The following CEP128 variants were observed in gnomAD, a reference collection of about 807,000 sequenced individuals.
The protein encoded by CEP128 is centrosomal protein 128kDa.
In CEP128, 132 loss-of-function variants were observed where a neutral mutation model predicts 156.7. The ratio of observed to expected loss-of-function variants is 0.84; its 90% CI spans 0.73 to 0.97. The LOEUF is 0.97. Among genes scored for constraint, CEP128 ranks in the 50% least tolerant of loss-of-function variants. CEP128 has a pLI of 0.00. For synonymous variants in CEP128, 469 were observed against 448.9 expected (o/e 1.04, Z -0.57); for missense variants, 1,252 against 1,281.9 (o/e 0.98, Z 0.36).
At chr14:80,680,435 C>G (rs981478467) in intron 19 of CEP128, among the ~76,000 whole-genome samples, 1 of 152,094 alleles carries the variant, frequency 6.6e-6, no homozygotes, top group African/African-American at 2.4e-5. Context: ...AGGAAGATCT[C>G]CAGGTATTCA....
In CEP128 at chr14:80,559,164, T is replaced by C. The variant is rs1890563088; in HGVS notation, c.2880+115A>G. 7.6e-6 allele frequency: 7 copies of C among 915,250 alleles called. 1 individual carries two copies. The highest frequency in any genetic ancestry group is 5.1e-5 in the African/African-American group (3 of 59,016). 56.7% of individuals were successfully genotyped at this position (915,250 alleles called of 1,614,324 possible). A position where few individuals can be genotyped will look rare whatever the true frequency, so the allele number is the denominator to read the frequency against. Reference sequence around the variant, plus strand: ...TTAGCTTGTTTTCCCCTTTGACATCTTAGATGTAGTTTTCGAAATGATTTC... The same window carrying C: ...TTAGCTTGTTTTCCCCTTTGACATCCTAGATGTAGTTTTCGAAATGATTTC... On this transcript the variant is annotated intron_variant, in intron 21 of 24. Coordinates refer to ENST00000555265, the MANE Select transcript of CEP128 (RefSeq NM_152446.5).
At chr14:80,641,350 G>C (rs1211062297) in intron 19 of CEP128, among the ~76,000 whole-genome samples, 1 of 152,112 alleles carries the variant, frequency 6.6e-6, no homozygotes, top group African/African-American at 2.4e-5. Context: ...GATGTTCAAG[G>C]GCTAATGTTT....
intron 21 of CEP128, among the ~76,000 whole-genome samples, chr14:80,548,809 C>T (rs1047131988): frequency 6.6e-6 from 1 of 152,210 alleles, no homozygotes; most frequent in Non-Finnish European, 1.5e-5. Flanking sequence ...CTAAGTTCAT[C>T]TGCTGGTGAA....
intron 21 of CEP128, among the ~76,000 whole-genome samples, chr14:80,549,140 G>C (rs1274329216): frequency 1.3e-5 from 2 of 152,192 alleles, no homozygotes; most frequent in African/African-American, 4.8e-5. Flanking sequence ...GGAGAAAGGA[G>C]AATGTCTAGA....
At chr14:80,815,938 A>G (rs1322230235) in intron 13 of CEP128, among the ~76,000 whole-genome samples, 1 of 152,098 alleles carries the variant, frequency 6.6e-6, no homozygotes, top group Non-Finnish European at 1.5e-5. Flanking sequence ...GGAATAATAG[A>G]TACTGGAGAC....
intron 16 of CEP128, among the ~76,000 whole-genome samples, chr14:80,776,485 TTAA>T (rs1900796871): frequency 6.8e-6 from 1 of 148,010 alleles, no homozygotes; most frequent in African/African-American, 2.4e-5. Context: ...ATATATATAT[TTAA>T]TTTTATATTT....
At chr14:80,559,772 T>C (rs1890592419) in intron 20 of CEP128, among the ~76,000 whole-genome samples, 1 of 152,108 alleles carries the variant, frequency 6.6e-6, no homozygotes, top group African/African-American at 2.4e-5. Flanking sequence ...AATAAATGAG[T>C]AAATCATTAT....
intron 19 of CEP128, among the ~76,000 whole-genome samples, chr14:80,669,798 A>G (rs965616540): frequency 5.9e-5 from 9 of 152,232 alleles, no homozygotes; most frequent in African/African-American, 2.2e-4. Context: ...CAATTCCATG[A>G]GTAGGTATCT....
intron 14 of CEP128, 86 bp from the exon 15 acceptor site, chr14:80,785,631 G>A (rs1330123826): frequency 1.1e-6 from 1 of 950,752 alleles, no homozygotes; most frequent in Non-Finnish European, 1.5e-6. Flanking sequence ...GCAAAACAAT[G>A]TTTAACCCAC....
At position 80,691,901 on chromosome 14, in the gene CEP128, T is replaced by C. The variant is rs373708502; in HGVS notation, c.2806+51174A>G. Among the ~76,000 whole-genome samples the C allele has an allele frequency of 2.6e-5, 4 of 152,320 alleles. No homozygotes were observed. In the East Asian group the frequency reaches 5.8e-4, roughly 22 times the overall value. ...TTTGTAACCATCTTGAATCAGGGAA[T>C]ATCATCCAAAATTACAAAGATATTT... is the stretch of plus-strand genomic sequence containing the variant. On this transcript the variant is annotated intron_variant, in intron 19 of 24. Coordinates refer to ENST00000555265, the MANE Select transcript of CEP128 (RefSeq NM_152446.5).
chr14:80,842,505 T>C (rs1208838396), intron 9 of CEP128, among the ~76,000 whole-genome samples: 1 of 152,004 alleles, frequency 6.6e-6, no homozygotes, highest in Non-Finnish European at 1.5e-5. Context: ...CCATTAAATA[T>C]ATCAATGATG....
intron 7 of CEP128, among the ~76,000 whole-genome samples, chr14:80,899,110 T>C (rs1883379641): frequency 6.6e-6 from 1 of 152,198 alleles, no homozygotes; most frequent in South Asian, 2.1e-4. Flanking sequence ...CTAATAGAAC[T>C]AGTAATAATG....
intron 19 of CEP128, among the ~76,000 whole-genome samples, chr14:80,580,811 T>A (rs1891558945): frequency 6.6e-6 from 1 of 151,984 alleles, no homozygotes; most frequent in Non-Finnish European, 1.5e-5. Flanking sequence ...GAAAGAAAAA[T>A]TAAAAACAAA....
Position 80,625,486 on chromosome 14 carries a change from A to G in CEP128, c.2807-45063T>C, listed in dbSNP as rs1034441065. Among the ~76,000 whole-genome samples, 4 of 151,926 alleles carry G rather than the reference A, an allele frequency of 2.6e-5. No homozygotes were observed. The East Asian group carries it at 7.7e-4, about 29-fold the overall frequency. ...ATTTCAGGATTTTTTTTCTATTTTTATGAAGAATATCATTAGTATTTTAAT... is the reference window on the plus strand; with the variant it reads ...ATTTCAGGATTTTTTTTCTATTTTTGTGAAGAATATCATTAGTATTTTAAT... On this transcript the variant is annotated intron_variant, in intron 19 of 24. Coordinates refer to ENST00000555265, the MANE Select transcript of CEP128 (RefSeq NM_152446.5).
rs534878159 is a variant in CEP128, at chr14:80,766,303, G to A, written c.2377-4690C>T. On this transcript the variant is annotated intron_variant, in intron 16 of 24. Transcript: ENST00000555265. Reference sequence around the variant, plus strand: ...GTTGACACTTAAGTATAAAGAAAACGTAAAATAAAACTGCTGACAATCTCA... The same window carrying A: ...GTTGACACTTAAGTATAAAGAAAACATAAAATAAAACTGCTGACAATCTCA... 4.6e-5 allele frequency among the ~76,000 whole-genome samples: 7 copies of A among 152,234 alleles called. No individual in the cohort carries two copies. The East Asian group carries it at 5.8e-4, about 13-fold the overall frequency.
chr14:80,561,441 G>C (rs1055640220), intron 20 of CEP128, among the ~76,000 whole-genome samples: 66 of 151,996 alleles, frequency 4.3e-4, no homozygotes, highest in Admixed American at 1.8e-3. Flanking sequence ...TGTGCATCTG[G>C]GACAAAAACC....
At chr14:80,653,079 AACACAAGAACAGAAAAC>A (rs1417484739) in intron 19 of CEP128, among the ~76,000 whole-genome samples, 4 of 152,168 alleles carry the variant, frequency 2.6e-5, no homozygotes, top group Non-Finnish European at 5.9e-5. Flanking sequence ...TCAGCAAACT[AACACAAGAACAGAAAAC>A]CTAACATCAC....
intron 21 of CEP128, among the ~76,000 whole-genome samples, chr14:80,538,524 C>T (rs541288331): frequency 6.6e-6 from 1 of 152,316 alleles, no homozygotes; most frequent in Non-Finnish European, 1.5e-5. Flanking sequence ...CGTATACCCA[C>T]CACCTAGATT....
intron 8 of CEP128, among the ~76,000 whole-genome samples, chr14:80,884,673 G>A (rs1340060970): frequency 6.6e-6 from 1 of 152,188 alleles, no homozygotes; most frequent in Non-Finnish European, 1.5e-5. Context: ...CAGACCAGGA[G>A]ATTCTCTTGT....
Sources: allele counts gnomAD v4.1 joint callset (sites outside exome capture counted in the v4.1 genomes callset), GRCh38; gene constraint gnomAD v4.1.1; transcripts MANE v1.5; gene names NCBI Gene and HGNC (gene_info 2026-07-23, HGNC 2026-07-21).